NR1I2: variants seen among roughly 807,000 people sequenced by gnomAD.
NR1I2 encodes the protein orphan nuclear receptor PAR1.
NR1I2 carries 42 observed loss-of-function variants against 43.3 expected under a neutral mutation model. That is an observed-to-expected ratio of 0.97 (90% CI 0.76 to 1.26). The LOEUF (loss-of-function observed/expected upper bound fraction) is 1.26, where lower values mean the gene tolerates loss of function less well. Among genes scored for constraint, NR1I2 ranks in the 50% most tolerant of loss-of-function variants. The pLI, the probability that NR1I2 is intolerant of heterozygous loss-of-function variation, is 0.00. For synonymous variants in NR1I2, 229 were observed against 215.0 expected, an observed-to-expected ratio of 1.06 and a Z score of -0.57; for missense variants, 559 against 566.7, an observed-to-expected ratio of 0.99 and a Z score of 0.14.
chr3:119,784,828 T>C (rs548603476), intron 1 of NR1I2, among the ~76,000 whole-genome samples: 7 of 152,338 alleles, frequency 4.6e-5, no homozygotes, highest in African/African-American at 1.4e-4. Flanking sequence ...TTTGTATTTA[T>C]TTCCTATTCC....
chr3:119,806,713 T>G lies in NR1I2; in HGVS notation c.-22-516T>G, dbSNP rs76724173. 5.5e-3 allele frequency among the ~76,000 whole-genome samples: 836 copies of G among 152,310 alleles called. 4 individuals are homozygous for G. Among genetic ancestry groups the G allele is most frequent in the African/African-American group, 0.019 (775 of 41,578 alleles). On this transcript the variant is annotated intron_variant, in intron 1 of 8. Coordinates refer to ENST00000393716, the MANE Select transcript of NR1I2 (RefSeq NM_003889.4). ...TGCCTCCACTTTTTCCCCATCTGCC[T>G]GGCTACTTAGTTGAAAACTCTTTCT...
Position 119,812,714 on chromosome 3 carries a change from A to G in NR1I2, c.548A>G (p.Glu183Gly). The G allele has an allele frequency of 6.2e-7, 1 of 1,614,132 alleles. No individual in the cohort carries two copies. Among genetic ancestry groups the G allele is most frequent in the Non-Finnish European group, 8.5e-7 (1 of 1,180,036 alleles). Reference sequence around the variant, plus strand: ...CCAGGGGTGCTTAGCAGTGGCTGCGAGTTGCCAGAGTCTCTGCAGGCCCCA... The same window carrying G: ...CCAGGGGTGCTTAGCAGTGGCTGCGGGTTGCCAGAGTCTCTGCAGGCCCCA... Residue 183 changes from glutamate (E) to glycine (G), a missense_variant, in exon 5 of 9, where the codon GAG (glutamate) becomes GGG (glycine). Coordinates refer to ENST00000393716, the MANE Select transcript of NR1I2 (RefSeq NM_003889.4).
chr3:119,792,688 A>G lies in NR1I2; in HGVS notation c.-23+10388A>G, dbSNP rs1303125531. The G allele has an allele frequency of 1.0e-5, 5 of 501,546 alleles. No homozygotes were observed. The Admixed American group carries it at 1.3e-4, about 13-fold the overall frequency. 31.1% of individuals were successfully genotyped at this position (501,546 alleles called of 1,614,324 possible). On this transcript the variant is annotated intron_variant, in intron 1 of 8. Transcript: ENST00000393716. ...TTGGCTTAAAGTGAAGGAAATACAG[A>G]TAAAATCACTTCAGATCTCAAAAAA...
intron 4 of NR1I2, among the ~76,000 whole-genome samples, chr3:119,812,330 A>G (rs1283206810): frequency 1.3e-5 from 2 of 152,112 alleles, no homozygotes; most frequent in Non-Finnish European, 2.9e-5. Context: ...CTTCCCATCC[A>G]TAGCACCCTA....
chr3:119,803,601 A>G (rs2055110860), intron 1 of NR1I2, among the ~76,000 whole-genome samples: 1 of 152,196 alleles, frequency 6.6e-6, no homozygotes, highest in South Asian at 2.1e-4. Context: ...TGAATGCACT[A>G]AGACAATGAG....
chr3:119,787,699 GTGTGTGTGGT>G (rs1356782129), intron 1 of NR1I2, among the ~76,000 whole-genome samples: 1 of 120,954 alleles, frequency 8.3e-6, no homozygotes, highest in Non-Finnish European at 1.8e-5. Flanking sequence ...GTGTGTGTGT[GTGTGTGTGGT>G]GTGTATGTGT....
At chr3:119,797,470 C>A (rs540773509) in intron 1 of NR1I2, among the ~76,000 whole-genome samples, 1 of 151,890 alleles carries the variant, frequency 6.6e-6, no homozygotes, top group Non-Finnish European at 1.5e-5. Context: ...ATTCAGCTAT[C>A]GGACTCTTAC....
chr3:119,813,101 GC>G, intron 5 of NR1I2, 141 bp downstream of exon 5: 1 of 963,694 alleles, frequency 1.0e-6, no homozygotes, highest in Non-Finnish European at 1.6e-6. Context: ...TCCCCGGGCA[GC>G]CAGTGCTGCT....
At position 119,818,140 on chromosome 3, in the gene NR1I2, T is replaced by C; in HGVS notation, c.*928T>C. On this transcript the variant is annotated 3_prime_UTR_variant, in exon 9 of 9. Transcript: ENST00000393716. ...CAGCTGTGAGTGCGTGTGTGTGATT[T>C]GGTGTAGGTAGGTCTGTTTGCCACT... The C allele has an allele frequency of 2.0e-6, 2 of 985,658 alleles. No homozygotes were observed. The highest frequency in any genetic ancestry group is 1.2e-6 in the Non-Finnish European group (1 of 829,996). The allele number at this position is 985,658 out of a possible 1,614,324, so 61.1% of individuals were successfully genotyped here. A position where few individuals can be genotyped will look rare whatever the true frequency, so the allele number is the denominator to read the frequency against.
At chr3:119,808,303 G>C (rs545580690) in intron 2 of NR1I2, among the ~76,000 whole-genome samples, 31 of 152,348 alleles carry the variant, frequency 2.0e-4, no homozygotes, top group African/African-American at 7.5e-4. Context: ...GGGGCACAGT[G>C]CTGGGGCCCC....
chr3:119,807,469 C>T (rs181113325), intron 2 of NR1I2, 22 bp downstream of exon 2: 2 of 1,602,098 alleles, frequency 1.2e-6, no homozygotes, highest in Admixed American at 3.3e-5. Flanking sequence ...CATCAGCCTT[C>T]ACCCACGTGC....
Position 119,811,708 on chromosome 3 carries a change from C to T in NR1I2, c.501C>T (p.Ser167=), listed in dbSNP as rs958712799. ...TGAAAACCTTTGACACTACCTTCTC[C>T]CATTTCAAGAATTTCCGGGTAGGAG... Residue 167 remains serine, a synonymous_variant, in exon 4 of 9, where the codon TCC becomes TCT. Coordinates refer to ENST00000393716, the MANE Select transcript of NR1I2 (RefSeq NM_003889.4). 1.9e-6 allele frequency: 3 copies of T among 1,611,318 alleles called. No homozygotes were observed. Among genetic ancestry groups the T allele is most frequent in the Non-Finnish European group, 2.5e-6 (3 of 1,178,598 alleles).
chr3:119,785,372 C>T (rs1034597169), intron 1 of NR1I2, among the ~76,000 whole-genome samples: 1 of 152,206 alleles, frequency 6.6e-6, no homozygotes, highest in African/African-American at 2.4e-5. Flanking sequence ...TAACTGGGAC[C>T]ACCATAAGCT....
At chr3:119,816,835 A>T (rs902740342) in intron 8 of NR1I2, among the ~76,000 whole-genome samples, 1 of 151,650 alleles carries the variant, frequency 6.6e-6, no homozygotes, top group African/African-American at 2.4e-5. Flanking sequence ...AAGAAAAAAA[A>T]AAAAAAAAGA....
intron 3 of NR1I2, chr3:119,810,420 GT>G: frequency 6.4e-6 from 4 of 626,762 alleles, no homozygotes; most frequent in Non-Finnish European, 8.3e-6. Flanking sequence ...CCTGGGATGT[GT>G]GCTGGGCAGC....
At chr3:119,808,723 C>T (rs547812488) in intron 2 of NR1I2, among the ~76,000 whole-genome samples, 20 of 152,366 alleles carry the variant, frequency 1.3e-4, no homozygotes, top group African/African-American at 4.6e-4. Context: ...ACCTGGAGGA[C>T]AGCTGGGGAT....
chr3:119,807,554 GC>G, intron 2 of NR1I2, 107 bp downstream of exon 2: 1 of 966,716 alleles, frequency 1.0e-6, no homozygotes, highest in Non-Finnish European at 1.6e-6. Context: ...TGGGCTGGTG[GC>G]CCACCCAAAG....
intron 1 of NR1I2, chr3:119,792,111 C>A: frequency 1.3e-6 from 1 of 770,008 alleles, no homozygotes; most frequent in Admixed American, 1.7e-5. Flanking sequence ...CCTCTTTGGG[C>A]CTGTCACTAG....
intron 2 of NR1I2, 33 bp downstream of exon 2, chr3:119,807,480 C>A (rs766777493): frequency 1.9e-6 from 3 of 1,575,488 alleles, no homozygotes; most frequent in Non-Finnish European, 2.6e-6. Context: ...ACCCACGTGC[C>A]ACCACTGACC....
Sources: allele counts gnomAD v4.1 joint callset (sites outside exome capture counted in the v4.1 genomes callset), GRCh38; gene constraint gnomAD v4.1.1; transcripts MANE v1.5; gene names NCBI Gene and HGNC (gene_info 2026-07-23, HGNC 2026-07-21).